Variants in CADPS2 observed in about 807,000 individuals in gnomAD.
CADPS2 encodes the protein calcium dependent secretion activator 2, also known as calcium-dependent secretion activator 2.
Under a neutral mutation model 172.5 loss-of-function variants are expected in CADPS2, and 93 were observed. The ratio of observed to expected loss-of-function variants is 0.54; its 90% CI spans 0.46 to 0.64. The LOEUF (loss-of-function observed/expected upper bound fraction) is 0.64, where lower values mean the gene tolerates loss of function less well. CADPS2 is among the 30% of genes least tolerant of loss of function. CADPS2 has a pLI of 0.00. For missense variants in CADPS2, 1,420 were observed against 1,565.9 expected (o/e 0.91, Z 1.57); for synonymous variants, 546 against 555.2 (o/e 0.98, Z 0.23).
At chr7:122,738,839 T>G (rs567415910) in intron 1 of CADPS2, among the ~76,000 whole-genome samples, 273 of 141,244 alleles carry the variant, frequency 1.9e-3, no homozygotes, top group Non-Finnish European at 3.5e-3. Context: ...AGTGTCCTAT[T>G]GTACCCAGGG....
At chr7:122,851,835 G>A (rs1278590213) in intron 1 of CADPS2, among the ~76,000 whole-genome samples, 1 of 152,134 alleles carries the variant, frequency 6.6e-6, no homozygotes, top group East Asian at 1.9e-4. Context: ...CACAACACAT[G>A]GGAATTATGG....
intron 2 of CADPS2, among the ~76,000 whole-genome samples, chr7:122,734,373 A>AAAAAAAAAAAAAAG: frequency 1.1e-5 from 1 of 93,866 alleles, no homozygotes. Flanking sequence ...AAAAAAAAAA[A>AAAAAAAAAAAAAAG]AAAAAAAAAA....
intron 8 of CADPS2, among the ~76,000 whole-genome samples, chr7:122,519,097 G>A (rs1034835615): frequency 6.6e-6 from 1 of 151,994 alleles, no homozygotes; most frequent in Non-Finnish European, 1.5e-5. Context: ...GTTGGGGCGG[G>A]GGAGGGAATC....
chr7:122,351,529 A>G (rs2038640173), intron 27 of CADPS2, among the ~76,000 whole-genome samples: 1 of 151,926 alleles, frequency 6.6e-6, no homozygotes, highest in African/African-American at 2.4e-5. Context: ...GGGAGTAGAC[A>G]ATTCTGAATT....
chr7:122,759,263 T>A (rs1441060691), intron 1 of CADPS2, among the ~76,000 whole-genome samples: 3 of 152,170 alleles, frequency 2.0e-5, no homozygotes, highest in Admixed American at 6.6e-5. Context: ...ATGAAATTAT[T>A]ATGGCCCTGA....
intron 1 of CADPS2, among the ~76,000 whole-genome samples, chr7:122,869,466 GTAT>G (rs1213602390): frequency 2.6e-5 from 4 of 151,784 alleles, no homozygotes; most frequent in African/African-American, 4.8e-5. Flanking sequence ...ACTGCCAATA[GTAT>G]TATACCCAGC....
chr7:122,475,370 T>C (rs943293381), intron 12 of CADPS2, among the ~76,000 whole-genome samples: 5 of 152,222 alleles, frequency 3.3e-5, no homozygotes, highest in African/African-American at 9.6e-5. Flanking sequence ...AAGATAAAAG[T>C]GGACTCTTCT....
intron 3 of CADPS2, among the ~76,000 whole-genome samples, chr7:122,631,994 A>C (rs556995871): frequency 6.6e-6 from 1 of 152,152 alleles, no homozygotes; most frequent in Admixed American, 6.6e-5. Context: ...TTCCAGCTGC[A>C]TCGACATTGC....
chr7:122,788,856 A>G (rs1337249499), intron 1 of CADPS2, among the ~76,000 whole-genome samples: 2 of 152,120 alleles, frequency 1.3e-5, no homozygotes, highest in Non-Finnish European at 1.5e-5. Context: ...TGTCCTCCTC[A>G]GGGCTTAAGT....
intron 1 of CADPS2, among the ~76,000 whole-genome samples, chr7:122,884,903 T>C (rs1262869384): frequency 1.3e-5 from 2 of 152,166 alleles, no homozygotes; most frequent in African/African-American, 4.8e-5. Context: ...ACAGTTATAG[T>C]TGAAGTCAAC....
At chr7:122,863,314 AT>A (rs1448252013) in intron 1 of CADPS2, among the ~76,000 whole-genome samples, 1 of 152,202 alleles carries the variant, frequency 6.6e-6, no homozygotes, top group Non-Finnish European at 1.5e-5. Flanking sequence ...CTAGGCTCAA[AT>A]AATTATGAAC....
At chr7:122,583,877 GTA>G (rs1181513130) in intron 6 of CADPS2, among the ~76,000 whole-genome samples, 1 of 150,644 alleles carries the variant, frequency 6.6e-6, no homozygotes, top group African/African-American at 2.4e-5. Context: ...TAACATATGT[GTA>G]TATATACATA....
At chr7:122,334,625 T>C (rs1303098235) in intron 28 of CADPS2, among the ~76,000 whole-genome samples, 4 of 152,190 alleles carry the variant, frequency 2.6e-5, no homozygotes, top group Non-Finnish European at 5.9e-5. Flanking sequence ...ATGCAGGTGC[T>C]AGAACTGGAT....
At chr7:122,569,412 C>T (rs2066895201) in intron 7 of CADPS2, among the ~76,000 whole-genome samples, 3 of 152,002 alleles carry the variant, frequency 2.0e-5, no homozygotes, top group African/African-American at 7.3e-5. Context: ...CCATTCCATG[C>T]TCGTGGATAG....
At chr7:122,522,411 G>T (rs1364990655) in intron 8 of CADPS2, among the ~76,000 whole-genome samples, 2 of 151,986 alleles carry the variant, frequency 1.3e-5, no homozygotes, top group African/African-American at 4.8e-5. Flanking sequence ...CACTGCATCT[G>T]GCCCCTTTTT....
intron 19 of CADPS2, among the ~76,000 whole-genome samples, chr7:122,413,486 C>T (rs1288960164): frequency 6.6e-6 from 1 of 152,144 alleles, no homozygotes; most frequent in African/African-American, 2.4e-5. Context: ...ATAGAAACAA[C>T]CTCTTAGCCC....
At chr7:122,863,279 ATATTT>A (rs1216850441) in intron 1 of CADPS2, among the ~76,000 whole-genome samples, 1 of 152,220 alleles carries the variant, frequency 6.6e-6, no homozygotes, top group African/African-American at 2.4e-5. Flanking sequence ...AATACACTTT[ATATTT>A]TATAAGTAAA....
At chr7:122,685,145 G>A (rs925760183) in intron 2 of CADPS2, among the ~76,000 whole-genome samples, 4 of 151,896 alleles carry the variant, frequency 2.6e-5, no homozygotes, top group Non-Finnish European at 4.4e-5. Flanking sequence ...GCGACCCAAA[G>A]GTATAAATCC....
intron 1 of CADPS2, among the ~76,000 whole-genome samples, chr7:122,843,905 T>C (rs1484458962): frequency 6.6e-6 from 1 of 152,120 alleles, no homozygotes; most frequent in Admixed American, 6.5e-5. Context: ...TTAGAAGGCA[T>C]TATGAGCAGA....
Sources: gnomAD v4.1 joint callset for allele counts (sites outside exome capture counted in the v4.1 genomes callset) on GRCh38, gnomAD v4.1.1 for gene constraint, MANE v1.5 for transcripts, NCBI Gene and HGNC (gene_info 2026-07-23, HGNC 2026-07-21) for gene names.